Variants in PAFAH2 observed in about 807,000 individuals in gnomAD.
PAFAH2 encodes the protein platelet-activating factor acetylhydrolase 2, cytoplasmic.
PAFAH2 carries 42 observed loss-of-function variants against 49.0 expected under a neutral mutation model. That is an observed-to-expected ratio of 0.86 (90% CI 0.67 to 1.11). The LOEUF is 1.11. Ranked by LOEUF, PAFAH2 falls within the 50% of genes least tolerant of loss-of-function variation. PAFAH2 has a pLI of 0.00. For missense variants in PAFAH2, 503 were observed against 501.8 expected (o/e 1.00, Z -0.02); for synonymous variants, 184 against 181.3 (o/e 1.01, Z -0.12).
chr1:25,980,463 T>C (rs1028419123), intron 7 of PAFAH2, among the ~76,000 whole-genome samples: 8 of 151,668 alleles, frequency 5.3e-5, no homozygotes, highest in Admixed American at 3.9e-4. Context: ...GCCAGGACTA[T>C]ATGCCCAGCT....
At position 25,963,996 on chromosome 1, in the gene PAFAH2, G is replaced by A. The variant is rs145577318; in HGVS notation, c.1085-1913C>T. ...GAGGCTCATGTGGTGAGAGTGAAGT[G>A]AGCCAAGGGAAGAACAGCAGGGGAG... On this transcript the variant is annotated intron_variant, in intron 10 of 10. Coordinates refer to ENST00000374282, the MANE Select transcript of PAFAH2 (RefSeq NM_000437.4). Among the ~76,000 whole-genome samples the A allele has an allele frequency of 6.2e-4, 95 of 152,316 alleles. 2 individuals carry two copies. The East Asian group carries it at 0.011, about 18-fold the overall frequency.
At chr1:25,980,431 T>TTGAA (rs2049666707) in intron 7 of PAFAH2, among the ~76,000 whole-genome samples, 1 of 151,592 alleles carries the variant, frequency 6.6e-6, no homozygotes, top group African/African-American at 2.4e-5. Flanking sequence ...CAAGTGATTC[T>TTGAA]CCTGCCTCAG....
chr1:25,966,169 G>A (rs1005783348), intron 10 of PAFAH2, among the ~76,000 whole-genome samples: 2 of 152,170 alleles, frequency 1.3e-5, no homozygotes, highest in Non-Finnish European at 2.9e-5. Context: ...ACCGTTGGTA[G>A]GAATGTAAAT....
chr1:25,974,431 A>C, intron 9 of PAFAH2, 49 bp downstream of exon 9: 1 of 1,478,214 alleles, frequency 6.8e-7, no homozygotes, highest in Middle Eastern at 1.8e-4. Flanking sequence ...CACCACAGCA[A>C]GTGGCAAATG....
intron 10 of PAFAH2, among the ~76,000 whole-genome samples, chr1:25,967,777 A>AGGATATT: frequency 6.6e-6 from 1 of 152,266 alleles, no homozygotes; most frequent in East Asian, 1.9e-4. Flanking sequence ...ATGGGTGGCA[A>AGGATATT]CTGCAGGGGA....
chr1:25,973,387 G>C (rs2049538775), intron 9 of PAFAH2, among the ~76,000 whole-genome samples: 1 of 152,170 alleles, frequency 6.6e-6, no homozygotes, highest in Non-Finnish European at 1.5e-5. Context: ...GTATTTGTCT[G>C]ATATCACAGA....
At chr1:25,963,187 C>T in intron 10 of PAFAH2, among the ~76,000 whole-genome samples, 1 of 152,200 alleles carries the variant, frequency 6.6e-6, no homozygotes, top group Non-Finnish European at 1.5e-5. Flanking sequence ...TCCCAGTGCC[C>T]TGCCAGGAAC....
chr1:25,987,608 A>G (rs1012305827), intron 4 of PAFAH2, among the ~76,000 whole-genome samples: 2 of 152,082 alleles, frequency 1.3e-5, no homozygotes, highest in African/African-American at 4.8e-5. Flanking sequence ...GTGGGGCACA[A>G]TGGCTCATGC....
chr1:25,970,659 C>A (rs888480400), intron 10 of PAFAH2, among the ~76,000 whole-genome samples: 3 of 152,108 alleles, frequency 2.0e-5, no homozygotes, highest in African/African-American at 4.8e-5. Context: ...GATCTTGGCT[C>A]ACTGCAGTCT....
chr1:25,964,304 GA>G (rs2049387719), intron 10 of PAFAH2: 2 of 152,250 alleles, frequency 1.3e-5, no homozygotes, highest in South Asian at 4.1e-4. Flanking sequence ...TATTTTTAAA[GA>G]GAAATAAATA....
At chr1:25,976,640 G>T (rs761344609) in intron 8 of PAFAH2, 42 bp downstream of exon 8, 4 of 1,333,314 alleles carry the variant, frequency 3.0e-6, no homozygotes, top group East Asian at 4.6e-5. Context: ...ATGAATAAAC[G>T]GTGTATGGAG....
intron 7 of PAFAH2, among the ~76,000 whole-genome samples, chr1:25,978,427 T>C (rs1294707459): frequency 1.3e-5 from 2 of 152,192 alleles, no homozygotes; most frequent in Non-Finnish European, 2.9e-5. Context: ...TTTTTGTACA[T>C]AACCACATTA....
At position 25,988,112 on chromosome 1, in the gene PAFAH2, G is replaced by A. The variant is rs2049810857; in HGVS notation, c.341+119C>T. The A allele has an allele frequency of 6.0e-6, 4 of 664,530 alleles. No homozygotes were observed. The East Asian group carries it at 1.2e-4, about 19-fold the overall frequency. The allele number at this position is 664,530 out of a possible 1,614,324, so 41.2% of individuals were successfully genotyped here. On this transcript the variant is annotated intron_variant, in intron 4 of 10. Coordinates refer to ENST00000374282, the MANE Select transcript of PAFAH2 (RefSeq NM_000437.4). The stretch of plus-strand genomic sequence containing the variant: ...CCAATGCTATGGGACGAAGCAGATG[G>A]GAGATAAGACAGCTAGCAGATGGAA...
chr1:25,965,408 A>G (rs1457348931), intron 10 of PAFAH2, among the ~76,000 whole-genome samples: 1 of 152,242 alleles, frequency 6.6e-6, no homozygotes, highest in Non-Finnish European at 1.5e-5. Context: ...GACTGAATTA[A>G]ACTAAAAAGC....
At chr1:25,991,626 C>T (rs1318503579) in intron 1 of PAFAH2, among the ~76,000 whole-genome samples, 28 of 146,404 alleles carry the variant, frequency 1.9e-4, no homozygotes, top group African/African-American at 6.7e-4. Flanking sequence ...GGCACGGTGG[C>T]TCACGCCTGT....
chr1:25,965,223 G>A (rs2049402012), intron 10 of PAFAH2, among the ~76,000 whole-genome samples: 2 of 152,146 alleles, frequency 1.3e-5, no homozygotes, highest in Admixed American at 1.3e-4. Flanking sequence ...GAAGAAGAAT[G>A]AAACAGGACC....
intron 7 of PAFAH2, among the ~76,000 whole-genome samples, chr1:25,978,759 CCTGAGTTGCCT>C (rs1473553705): frequency 6.6e-6 from 1 of 152,136 alleles, no homozygotes; most frequent in Non-Finnish European, 1.5e-5. Context: ...AGCAGGGATC[CCTGAGTTGCCT>C]CTTACACAGG....
intron 10 of PAFAH2, among the ~76,000 whole-genome samples, chr1:25,971,801 G>A (rs1024096775): frequency 1.3e-5 from 2 of 152,184 alleles, no homozygotes; most frequent in South Asian, 4.1e-4. Flanking sequence ...TGCAGGCCTC[G>A]CCCTTTAGCT....
chr1:25,966,628 A>C (rs2124318153), intron 10 of PAFAH2, among the ~76,000 whole-genome samples: 1 of 152,300 alleles, frequency 6.6e-6, no homozygotes, highest in South Asian at 2.1e-4. Context: ...AAAGGTGGGC[A>C]GGTAGGAGAG....
Sources: gnomAD v4.1 joint callset for allele counts (sites outside exome capture counted in the v4.1 genomes callset) on GRCh38, gnomAD v4.1.1 for gene constraint, MANE v1.5 for transcripts, NCBI Gene and HGNC (gene_info 2026-07-23, HGNC 2026-07-21) for gene names.